The following SLC4A10 variants were observed in gnomAD, a reference collection of about 807,000 sequenced individuals.
SLC4A10 encodes the protein solute carrier family 4 member 10.
SLC4A10 carries 42 observed loss-of-function variants against 137.7 expected under a neutral mutation model. The observed-to-expected ratio is 0.30, with a 90% CI of 0.24 to 0.39. The LOEUF is 0.39. Ranked by LOEUF, SLC4A10 falls within the 10% of genes least tolerant of loss-of-function variation. The probability of loss-of-function intolerance (pLI) is 1.00; values close to 1 mark genes in which losing one functional copy is unlikely to be tolerated. For missense variants in SLC4A10, 925 were observed against 1,355.0 expected, an observed-to-expected ratio of 0.68 and a Z score of 4.98; for synonymous variants, 474 against 464.1, an observed-to-expected ratio of 1.02 and a Z score of -0.27.
In SLC4A10 at chr2:161,984,152, A is replaced by G. The variant is rs765897352; in HGVS notation, c.*1000A>G. On this transcript the variant is annotated 3_prime_UTR_variant, in exon 27 of 27. Coordinates refer to ENST00000446997, the MANE Select transcript of SLC4A10 (RefSeq NM_001178015.2). ...AATGCTGGTCCTGAATCATGTTCTCATGTTAGACCAACAGCTCTCCAATTG... is the reference window on the plus strand; with the variant it reads ...AATGCTGGTCCTGAATCATGTTCTCGTGTTAGACCAACAGCTCTCCAATTG... 1.3e-5 allele frequency: 2 copies of G among 151,928 alleles called. No individual in the cohort carries two copies. The highest frequency in any genetic ancestry group is 2.9e-5 in the Non-Finnish European group (2 of 67,944). The allele number at this position is 151,928 out of a possible 1,614,324, so 9.4% of individuals were successfully genotyped here.
intron 5 of SLC4A10, among the ~76,000 whole-genome samples, 197 bp downstream of exon 5, chr2:161,855,327 T>G (rs1391648213): frequency 6.6e-6 from 1 of 152,182 alleles, no homozygotes; most frequent in African/African-American, 2.4e-5. Flanking sequence ...TGCTCTAGTT[T>G]GGCAGTGCCA....
chr2:161,929,129 G>C (rs1453871256), intron 15 of SLC4A10, among the ~76,000 whole-genome samples: 2 of 151,830 alleles, frequency 1.3e-5, no homozygotes, highest in Non-Finnish European at 2.9e-5. Context: ...AATTCTATTT[G>C]TTAGCAACCA....
chr2:161,726,923 C>G (rs115695985), intron 1 of SLC4A10, among the ~76,000 whole-genome samples: 2,932 of 152,224 alleles, frequency 0.019, 76 homozygotes, highest in African/African-American at 0.057. Flanking sequence ...AGCAAACAAA[C>G]AAACAAAGAG....
At chr2:161,927,747 T>C (rs1456714411) in intron 15 of SLC4A10, among the ~76,000 whole-genome samples, 1 of 152,188 alleles carries the variant, frequency 6.6e-6, no homozygotes, top group Non-Finnish European at 1.5e-5. Context: ...AAGACATTTA[T>C]ACAGCCAAAA....
At chr2:161,845,084 A>G (rs1048516893) in intron 4 of SLC4A10, among the ~76,000 whole-genome samples, 1 of 152,148 alleles carries the variant, frequency 6.6e-6, no homozygotes, top group Non-Finnish European at 1.5e-5. Flanking sequence ...ACTTTAGGTC[A>G]TTAACTGCAA....
intron 2 of SLC4A10, among the ~76,000 whole-genome samples, chr2:161,803,851 G>T (rs1047548831): frequency 1.6e-4 from 24 of 152,102 alleles, no homozygotes; most frequent in Admixed American, 1.1e-3. Context: ...TATAAATTAG[G>T]CACAGTAAGA....
At chr2:161,853,448 C>A (rs2059934093) in intron 4 of SLC4A10, among the ~76,000 whole-genome samples, 1 of 152,208 alleles carries the variant, frequency 6.6e-6, no homozygotes, top group African/African-American at 2.4e-5. Context: ...CACATAATTT[C>A]TGTTCCCACC....
intron 1 of SLC4A10, among the ~76,000 whole-genome samples, chr2:161,747,931 C>G (rs1037219224): frequency 5.9e-5 from 9 of 152,222 alleles, no homozygotes; most frequent in African/African-American, 1.9e-4. Context: ...CAAGGCTTCT[C>G]TTTTCTCCAC....
chr2:161,715,474 T>C (rs1245725921), intron 1 of SLC4A10, among the ~76,000 whole-genome samples: 3 of 152,086 alleles, frequency 2.0e-5, no homozygotes, highest in Non-Finnish European at 4.4e-5. Context: ...ATGCATTAGC[T>C]ATTTTTCCTT....
chr2:161,810,296 T>C (rs1575073737), intron 3 of SLC4A10, among the ~76,000 whole-genome samples: 1 of 152,040 alleles, frequency 6.6e-6, no homozygotes, highest in Non-Finnish European at 1.5e-5. Flanking sequence ...TTTCTAAAAT[T>C]ATAATCATCA....
intron 2 of SLC4A10, among the ~76,000 whole-genome samples, chr2:161,794,689 A>C (rs2054567655): frequency 6.6e-6 from 1 of 152,196 alleles, no homozygotes. Flanking sequence ...CACACGAGGC[A>C]TGAGGCAGCG....
intron 16 of SLC4A10, 107 bp from the exon 17 acceptor site, chr2:161,947,458 GA>G: frequency 8.7e-7 from 1 of 1,145,800 alleles, no homozygotes; most frequent in Non-Finnish European, 1.2e-6. Flanking sequence ...AGCCATAAAG[GA>G]AAAGCCTCAG....
At chr2:161,890,050 G>T (rs1002981812) in intron 10 of SLC4A10, among the ~76,000 whole-genome samples, 4 of 152,168 alleles carry the variant, frequency 2.6e-5, no homozygotes, top group African/African-American at 9.7e-5. Flanking sequence ...TATTTACCCA[G>T]TAGTAATTCA....
intron 6 of SLC4A10, 37 bp downstream of exon 6, chr2:161,863,099 T>C (rs1314789458): frequency 2.5e-6 from 4 of 1,577,938 alleles, no homozygotes; most frequent in Non-Finnish European, 3.5e-6. Context: ...ATGTCTACTA[T>C]AGGTCTCTGA....
intron 2 of SLC4A10, among the ~76,000 whole-genome samples, chr2:161,783,604 A>G (rs2053291635): frequency 6.6e-6 from 1 of 152,016 alleles, no homozygotes; most frequent in South Asian, 2.1e-4. Flanking sequence ...ATATAAAGAA[A>G]TGTTAACTGT....
intron 3 of SLC4A10, among the ~76,000 whole-genome samples, chr2:161,836,343 C>A (rs1163572631): frequency 1.3e-5 from 2 of 151,616 alleles, no homozygotes; most frequent in Non-Finnish European, 2.9e-5. Context: ...ACTAAAAATA[C>A]AAAAATTAGC....
At chr2:161,837,336 A>G (rs1003119761) in intron 3 of SLC4A10, among the ~76,000 whole-genome samples, 3 of 152,178 alleles carry the variant, frequency 2.0e-5, no homozygotes, top group Admixed American at 6.5e-5. Flanking sequence ...AAAAAATATA[A>G]TAGCCTCAAG....
chr2:161,668,752 T>C (rs1366250575), intron 1 of SLC4A10, among the ~76,000 whole-genome samples: 3 of 151,890 alleles, frequency 2.0e-5, no homozygotes, highest in Admixed American at 6.6e-5. Context: ...TCCAAGAGAA[T>C]ATGGATATGC....
intron 3 of SLC4A10, among the ~76,000 whole-genome samples, chr2:161,820,088 T>C (rs963831471): frequency 3.3e-5 from 5 of 152,160 alleles, no homozygotes; most frequent in African/African-American, 1.2e-4. Context: ...AAACACATGT[T>C]TAAAATATGG....
Sources: allele counts gnomAD v4.1 joint callset (sites outside exome capture counted in the v4.1 genomes callset), GRCh38; gene constraint gnomAD v4.1.1; transcripts MANE v1.5; gene names NCBI Gene and HGNC (gene_info 2026-07-23, HGNC 2026-07-21).